The following LYVE1 variants were observed in gnomAD, a reference collection of about 807,000 sequenced individuals.
The protein encoded by LYVE1 is lymphatic vessel endothelial hyaluronic acid receptor 1.
In LYVE1, 29 loss-of-function variants were observed where a neutral mutation model predicts 31.5. That is an observed-to-expected ratio of 0.92 (90% CI 0.69 to 1.26). The LOEUF is 1.26. Among genes scored for constraint, LYVE1 ranks in the 50% most tolerant of loss-of-function variants. The probability of loss-of-function intolerance (pLI) is 0.00; values close to 1 mark genes in which losing one functional copy is unlikely to be tolerated. For missense variants in LYVE1, 376 were observed against 380.2 expected (o/e 0.99, Z 0.09); for synonymous variants, 134 against 139.4 (o/e 0.96, Z 0.27).
intron 5 of LYVE1, 150 bp downstream of exon 5, chr11:10,559,666 T>C (rs1850377642): frequency 9.5e-6 from 6 of 633,794 alleles, no homozygotes; most frequent in East Asian, 5.6e-5. Flanking sequence ...AAGATTGGGC[T>C]GAAGGGAAAG....
At chr11:10,564,919 GGA>G (rs1391369697) in intron 1 of LYVE1, among the ~76,000 whole-genome samples, 8 of 152,270 alleles carry the variant, frequency 5.3e-5, no homozygotes, top group Non-Finnish European at 2.9e-5. Context: ...AGAAGTTCCT[GGA>G]GGAGCTGGCA....
intron 4 of LYVE1, among the ~76,000 whole-genome samples, chr11:10,560,168 G>A (rs1300143584): frequency 2.0e-5 from 3 of 152,170 alleles, no homozygotes; most frequent in Non-Finnish European, 4.4e-5. Context: ...AAGCCTGCCT[G>A]AGAAAGAGAT....
intron 1 of LYVE1, among the ~76,000 whole-genome samples, chr11:10,565,504 C>T (rs573973240): frequency 6.6e-5 from 10 of 152,320 alleles, no homozygotes; most frequent in African/African-American, 2.4e-4. Flanking sequence ...ATTGGATGCT[C>T]AGTCAAATGC....
chr11:10,563,155 G>A (rs903773260), intron 3 of LYVE1, among the ~76,000 whole-genome samples: 6 of 151,736 alleles, frequency 4.0e-5, no homozygotes, highest in South Asian at 2.1e-4. Flanking sequence ...GGGTTTCACC[G>A]TGTTAGGATG....
In LYVE1 at chr11:10,564,360, C is replaced by T. The variant is rs780183406; in HGVS notation, c.100G>A (p.Val34Met). 16 of 1,613,514 alleles carry T rather than the reference C, an allele frequency of 9.9e-6. No individual in the cohort carries two copies. The South Asian group carries it at 1.1e-4, about 11-fold the overall frequency. ...SLRAEELSIQ[V>M]SCRIMGITLV... ...GTGATCCCCATAATTCTGCATGACA[C>T]CTGGATGGAAAGCTCTGCAAAGGAA... is the stretch of plus-strand genomic sequence containing the variant. The change falls in exon 2 of 6, where the codon GTG becomes ATG. Residue 34 changes from valine (V) to methionine (M), a missense_variant. By Grantham distance (21) the Val-to-Met change is conservative. Coordinates refer to ENST00000256178, the MANE Select transcript of LYVE1 (RefSeq NM_006691.4).
intron 1 of LYVE1, 53 bp from the exon 2 acceptor site, chr11:10,564,427 C>T: frequency 2.6e-6 from 4 of 1,540,330 alleles, no homozygotes; most frequent in Admixed American, 3.4e-5. Flanking sequence ...GTTTCCAGCC[C>T]TTAGACTCTC....
Position 10,560,539 on chromosome 11 carries a change from A to G in LYVE1, c.659T>C (p.Val220Ala). Reference protein sequence around the residue: ...STMSTETEPFVENKAAFKNEA... With the variant: ...STMSTETEPFAENKAAFKNEA... ...ATTCTTGAATGCTGCTTTATTTTCA[A>G]CAAATGGTTCAGTTTCTGTAGACAT... Residue 220 changes from valine (V) to alanine (A), a missense_variant, in exon 4 of 6, where the codon GTT (valine) becomes GCT (alanine). Physicochemically the swap from Val to Ala is moderately conservative, Grantham distance 64 (BLOSUM62 0). Coordinates refer to ENST00000256178, the MANE Select transcript of LYVE1 (RefSeq NM_006691.4). 1 of 1,613,174 alleles carries G rather than the reference A, an allele frequency of 6.2e-7. No homozygotes were observed. The highest frequency in any genetic ancestry group is 1.1e-5 in the South Asian group (1 of 90,942).
Position 10,563,941 on chromosome 11 carries a change from A to G in LYVE1, c.396T>C (p.Ser132=). 1 of 1,614,188 alleles carries G rather than the reference A, an allele frequency of 6.2e-7. No homozygotes were observed. The highest frequency in any genetic ancestry group is 1.1e-5 in the South Asian group (1 of 91,082). The change falls in exon 3 of 6, where the codon TCT becomes TCC. Residue 132 remains serine (S), a splice_region_variant and synonymous_variant. Coordinates refer to ENST00000256178, the MANE Select transcript of LYVE1 (RefSeq NM_006691.4). ...GGAAAGGTTGCAGATCAGACTCACC[A>G]GATGAGTTGTAACAATAGGCTGCAA... ...RQFAAYCYNS[S]DTWTNSCIPE... is the part of the protein sequence containing the mutation.
intron 5 of LYVE1, 133 bp downstream of exon 5, chr11:10,559,683 G>C (rs1055525922): frequency 1.4e-6 from 1 of 696,190 alleles, no homozygotes; most frequent in Non-Finnish European, 2.4e-6. Flanking sequence ...AAAGAGATGA[G>C]ATGAGGGAGA....
intron 3 of LYVE1, among the ~76,000 whole-genome samples, chr11:10,563,066 G>C (rs950016566): frequency 7.0e-6 from 1 of 142,678 alleles, no homozygotes; most frequent in African/African-American, 2.6e-5. Context: ...CCATTCTCCT[G>C]CCTCAGCCTC....
rs1242185050 is a variant in LYVE1 at position 10,557,991 on chromosome 11, T to C, written c.*1120A>G. On this transcript the variant is annotated 3_prime_UTR_variant, in exon 6 of 6. Coordinates refer to ENST00000256178, the MANE Select transcript of LYVE1 (RefSeq NM_006691.4). The stretch of plus-strand genomic sequence containing the variant: ...CACTTTTAAAATGTGCTTTGGTATA[T>C]AGAGGTAACAATGTACTTCTTAGGT... 1 of 152,212 alleles carries C rather than the reference T, an allele frequency of 6.6e-6. No homozygotes were observed. The highest frequency in any genetic ancestry group is 1.5e-5 in the Non-Finnish European group (1 of 68,028). 9.4% of individuals were successfully genotyped at this position (152,212 alleles called of 1,614,324 possible).
chr11:10,568,506 C>T lies in LYVE1; in HGVS notation c.27G>A (p.Leu9=), dbSNP rs1850587717. The T allele has an allele frequency of 5.0e-6, 8 of 1,613,980 alleles. No homozygotes were observed. Among genetic ancestry groups the T allele is most frequent in the Non-Finnish European group, 6.8e-6 (8 of 1,179,922 alleles). ...TCGTGGTCCAGATGGAAGTGAGAAG[C>T]AACACCAGGCTGAAGCACCTGGCCA... The part of the protein sequence containing the change: MARCFSLV[L]LLTSIWTTRL... The change falls in exon 1 of 6, where the codon TTG becomes TTA. Residue 9 remains leucine (L), a synonymous_variant. Coordinates refer to ENST00000256178, the MANE Select transcript of LYVE1 (RefSeq NM_006691.4).
chr11:10,568,527 G>T lies in LYVE1; in HGVS notation c.6C>A (p.Ala2=). The T allele has an allele frequency of 6.2e-7, 1 of 1,613,766 alleles. No individual in the cohort carries two copies. Among genetic ancestry groups the T allele is most frequent in the Non-Finnish European group, 8.5e-7 (1 of 1,179,826 alleles). Reference sequence around the variant, plus strand: ...GAAGCAACACCAGGCTGAAGCACCTGGCCATCGTGCCTACCCCTTCAGAGC... The same window carrying T: ...GAAGCAACACCAGGCTGAAGCACCTTGCCATCGTGCCTACCCCTTCAGAGC... The part of the protein sequence containing the change: M[A]RCFSLVLLLT... Residue 2 remains alanine, a synonymous_variant, in exon 1 of 6, where the codon GCC becomes GCA. Coordinates refer to ENST00000256178, the MANE Select transcript of LYVE1 (RefSeq NM_006691.4).
chr11:10,562,950 T>C (rs970502309), intron 3 of LYVE1, among the ~76,000 whole-genome samples: 1 of 126,986 alleles, frequency 7.9e-6, no homozygotes, highest in Non-Finnish European at 1.7e-5. Flanking sequence ...CGGTTTCTTT[T>C]TTTTTTTTTT....
At chr11:10,560,835 G>C in intron 3 of LYVE1, 35 bp from the exon 4 acceptor site, 1 of 1,513,398 alleles carries the variant, frequency 6.6e-7, no homozygotes, top group South Asian at 1.2e-5. Flanking sequence ...TAAAAGTATT[G>C]CAACAGCCTC....
intron 1 of LYVE1, among the ~76,000 whole-genome samples, chr11:10,565,836 G>A (rs1297683007): frequency 6.6e-6 from 1 of 151,288 alleles, no homozygotes; most frequent in African/African-American, 2.4e-5. Context: ...TTGAGACGGA[G>A]TTTCACTCTT....
chr11:10,559,095 C>G lies in LYVE1; in HGVS notation c.*16G>C. ...AAGAAACCAGCCTCAGGTGTGTCTC[C>G]TCATTTCTGTCTCATCTAAACTTCA... is the stretch of plus-strand genomic sequence containing the variant. On this transcript the variant is annotated 3_prime_UTR_variant, in exon 6 of 6. Transcript: ENST00000256178. 1.2e-6 allele frequency: 2 copies of G among 1,611,692 alleles called. No homozygotes were observed. Among genetic ancestry groups the G allele is most frequent in the Non-Finnish European group, 1.7e-6 (2 of 1,178,988 alleles).
intron 3 of LYVE1, among the ~76,000 whole-genome samples, chr11:10,561,045 T>C (rs111792824): frequency 3.3e-5 from 5 of 152,230 alleles, no homozygotes; most frequent in African/African-American, 1.2e-4. Context: ...TTTTCTCTCA[T>C]TGCCCCTGCC....
Position 10,559,865 on chromosome 11 carries a change from G to A in LYVE1, c.733C>T (p.Leu245Phe), listed in dbSNP as rs1326559895. ...GVPTALLVLA[L>F]LFFGAAAGLG... ...CCAGCTGCAGCACCAAAGAAGAGGAGAGCAAGCACTAGCAGAGCCGTGGGG... is the reference window on the plus strand; with the variant it reads ...CCAGCTGCAGCACCAAAGAAGAGGAAAGCAAGCACTAGCAGAGCCGTGGGG... Residue 245 changes from leucine to phenylalanine, a missense_variant, in exon 5 of 6, where the codon CTC becomes TTC. Coordinates refer to ENST00000256178, the MANE Select transcript of LYVE1 (RefSeq NM_006691.4). The A allele has an allele frequency of 6.2e-7, 1 of 1,613,870 alleles. No homozygotes were observed.
Sources: gnomAD v4.1 joint callset for allele counts (sites outside exome capture counted in the v4.1 genomes callset) on GRCh38, gnomAD v4.1.1 for gene constraint, MANE v1.5 for transcripts, NCBI Gene and HGNC (gene_info 2026-07-23, HGNC 2026-07-21) for gene names.